Variants in MTUS1 observed in about 807,000 individuals in gnomAD.
MTUS1 encodes the protein microtubule associated scaffold protein 1, also known as microtubule-associated tumor suppressor 1.
A neutral mutation model predicts 120.8 loss-of-function variants in MTUS1; 109 were observed. That is an observed-to-expected ratio of 0.90 (90% CI 0.77 to 1.06). The LOEUF (loss-of-function observed/expected upper bound fraction) is 1.06, where lower values mean the gene tolerates loss of function less well. Ranked by LOEUF, MTUS1 falls within the 50% of genes least tolerant of loss-of-function variation. The pLI is 0.00. For synonymous variants in MTUS1, 737 were observed against 550.5 expected (o/e 1.34, Z -4.74); for missense variants, 2,210 against 1,486.3 (o/e 1.49, Z -8.01).
rs1805314550 is a variant in MTUS1 at position 17,643,851 on chromosome 8, T to A, written c.*2075A>T. ...TGATCAGAGTAAAATACACTTCCCA[T>A]CACTACAAACTGAGCACAACTACAG... On this transcript the variant is annotated 3_prime_UTR_variant, in exon 15 of 15. Transcript: ENST00000693296. 1 of 152,244 alleles carries A rather than the reference T, an allele frequency of 6.6e-6. No individual in the cohort carries two copies. The highest frequency in any genetic ancestry group is 1.5e-5 in the Non-Finnish European group (1 of 68,038). 9.4% of individuals were successfully genotyped at this position (152,244 alleles called of 1,614,324 possible).
intron 7 of MTUS1, among the ~76,000 whole-genome samples, chr8:17,680,464 CAAAAAAAAA>C (rs58490523): frequency 0.027 from 639 of 23,794 alleles, 2 homozygotes; most frequent in African/African-American, 0.064. Flanking sequence ...GCCACTGTCG[CAAAAAAAAA>C]AAAAAAAAAA....
intron 6 of MTUS1, among the ~76,000 whole-genome samples, chr8:17,703,149 C>T (rs1186214298): frequency 3.9e-5 from 6 of 152,150 alleles, no homozygotes; most frequent in Non-Finnish European, 8.8e-5. Context: ...GGTCTGACTG[C>T]CTGCGCGGTC....
At chr8:17,671,654 G>T (rs1196633474) in intron 8 of MTUS1, among the ~76,000 whole-genome samples, 1 of 152,230 alleles carries the variant, frequency 6.6e-6, no homozygotes, top group Non-Finnish European at 1.5e-5. Flanking sequence ...AAGGTGGAAA[G>T]CACAGACTCT....
At chr8:17,797,152 C>G (rs775967779) in intron 1 of MTUS1, among the ~76,000 whole-genome samples, 1 of 152,122 alleles carries the variant, frequency 6.6e-6, no homozygotes, top group Admixed American at 6.5e-5. Context: ...TGGCTCATGC[C>G]TCTAATCCTA....
At chr8:17,722,232 C>T in intron 4 of MTUS1, 1 of 999,436 alleles carries the variant, frequency 1.0e-6, no homozygotes, top group East Asian at 1.0e-4. Context: ...GAAACGGTGG[C>T]CAAGTCAACA....
chr8:17,652,782 G>C (rs552488462), intron 12 of MTUS1, among the ~76,000 whole-genome samples: 1 of 151,204 alleles, frequency 6.6e-6, no homozygotes, highest in African/African-American at 2.4e-5. Context: ...GTTGCAGTGA[G>C]CCGAGATCAC....
intron 1 of MTUS1, among the ~76,000 whole-genome samples, chr8:17,793,376 G>T (rs1009442776): frequency 6.6e-6 from 1 of 152,110 alleles, no homozygotes; most frequent in African/African-American, 2.4e-5. Context: ...TGAAACAATG[G>T]ATGAGGGGGT....
At chr8:17,681,952 A>G (rs992924024) in intron 7 of MTUS1, among the ~76,000 whole-genome samples, 2 of 152,178 alleles carry the variant, frequency 1.3e-5, no homozygotes, top group Admixed American at 6.5e-5. Context: ...TGTTAATGAG[A>G]TATTTTACAT....
At chr8:17,777,113 A>G (rs1343497637) in intron 1 of MTUS1, among the ~76,000 whole-genome samples, 1 of 152,024 alleles carries the variant, frequency 6.6e-6, no homozygotes, top group East Asian at 1.9e-4. Context: ...ACAGTATGCA[A>G]TTTTCCCACC....
intron 7 of MTUS1, chr8:17,676,517 G>A (rs1426135481): frequency 6.8e-6 from 4 of 588,908 alleles, no homozygotes; most frequent in East Asian, 2.8e-5. Context: ...ACTCACAGAA[G>A]CTGATACTGC....
rs539328122 is a variant in MTUS1, at chr8:17,800,324, T to C, written c.-155+737A>G. Among the ~76,000 whole-genome samples the C allele has an allele frequency of 3.9e-4, 60 of 152,302 alleles. 1 individual carries two copies. Among genetic ancestry groups the C allele is most frequent in the Admixed American group, 2.0e-3 (31 of 15,292 alleles). ...AAAACTTGAAAGCTTCCACGCACCG[T>C]TTTGCCTAAGACTTTGGTTTCATTG... On this transcript the variant is annotated intron_variant, in intron 1 of 14. Coordinates refer to ENST00000693296, the MANE Select transcript of MTUS1 (RefSeq NM_001363059.2).
Position 17,680,473 on chromosome 8 carries a change from A to T in MTUS1, c.2838+3855T>A, listed in dbSNP as rs868676333. Reference sequence around the variant, plus strand: ...AGCAAGGCCACTGTCGCAAAAAAAAAAAAAAAAAAAAAAAAAAAAAAAAGC... The same window carrying T: ...AGCAAGGCCACTGTCGCAAAAAAAATAAAAAAAAAAAAAAAAAAAAAAAGC... On this transcript the variant is annotated intron_variant, in intron 7 of 14. Transcript: ENST00000693296. Among the ~76,000 whole-genome samples, 48 of 116,278 alleles carry T rather than the reference A, an allele frequency of 4.1e-4. 1 individual carries two copies. The East Asian group carries it at 4.2e-3, about 10-fold the overall frequency. 76.3% of individuals were successfully genotyped at this position (116,278 alleles called of 152,430 possible).
intron 1 of MTUS1, chr8:17,800,622 G>A (rs1461300711): frequency 6.6e-6 from 1 of 152,162 alleles, no homozygotes. Context: ...GATTTTTCTA[G>A]AGCGTGAAAA....
intron 6 of MTUS1, among the ~76,000 whole-genome samples, chr8:17,685,267 G>A (rs978161660): frequency 4.0e-5 from 6 of 151,650 alleles, no homozygotes; most frequent in East Asian, 1.9e-4. Context: ...AAAATGCCAC[G>A]CTAAGTGATT....
intron 10 of MTUS1, chr8:17,654,201 C>G (rs145432776): frequency 3.3e-5 from 8 of 242,904 alleles, no homozygotes; most frequent in African/African-American, 1.8e-4. Flanking sequence ...CATTTCACAG[C>G]AACACTGCTG....
intron 2 of MTUS1, among the ~76,000 whole-genome samples, chr8:17,751,944 G>A (rs1170666342): frequency 1.3e-5 from 2 of 151,288 alleles, no homozygotes; most frequent in Admixed American, 6.6e-5. Flanking sequence ...TGCGAATATG[G>A]GACAATCTTT....
intron 8 of MTUS1, among the ~76,000 whole-genome samples, chr8:17,666,263 C>T (rs1810888642): frequency 6.8e-6 from 1 of 146,818 alleles, no homozygotes; most frequent in East Asian, 2.1e-4. Flanking sequence ...AATCCTGTTT[C>T]AATCAAGAGT....
At chr8:17,798,229 C>T (rs1020786435) in intron 1 of MTUS1, among the ~76,000 whole-genome samples, 1 of 152,278 alleles carries the variant, frequency 6.6e-6, no homozygotes, top group South Asian at 2.1e-4. Context: ...ATATACCAGG[C>T]CCAGTGGCTT....
chr8:17,789,439 C>G (rs1402283431), intron 1 of MTUS1, among the ~76,000 whole-genome samples: 1 of 150,506 alleles, frequency 6.6e-6, no homozygotes. Context: ...GCAGAGTTTA[C>G]AGCTGAAATA....
Sources: allele counts gnomAD v4.1 joint callset (sites outside exome capture counted in the v4.1 genomes callset), GRCh38; gene constraint gnomAD v4.1.1; transcripts MANE v1.5; gene names NCBI Gene and HGNC (gene_info 2026-07-23, HGNC 2026-07-21).